Variants in MASP1 observed in about 807,000 individuals in gnomAD.
MASP1 encodes MBL associated serine protease 1, also known as mannan-binding lectin serine protease 1.
Under a neutral mutation model 77.1 loss-of-function variants are expected in MASP1, and 59 were observed. That is an observed-to-expected ratio of 0.77 (90% CI 0.62 to 0.95). The LOEUF is 0.95. Ranked by LOEUF, MASP1 falls within the 40% of genes least tolerant of loss-of-function variation. MASP1 has a pLI of 0.00. For missense variants in MASP1, 885 were observed against 912.9 expected (o/e 0.97, Z 0.39); for synonymous variants, 362 against 354.5 (o/e 1.02, Z -0.24).
In MASP1 at chr3:187,234,293, C is replaced by T; in HGVS notation, c.*1391G>A. On this transcript the variant is annotated 3_prime_UTR_variant, in exon 11 of 11. Transcript: ENST00000296280. The stretch of plus-strand genomic sequence containing the variant: ...CATTCCCTCTCAGGGGCTTCTCTGG[C>T]TGCCTTGCTCTGATGGAGATTTTCA... The T allele has an allele frequency of 7.8e-7, 1 of 1,287,232 alleles. No homozygotes were observed. Among genetic ancestry groups the T allele is most frequent in the Non-Finnish European group, 1.0e-6 (1 of 988,684 alleles). 79.7% of individuals were successfully genotyped at this position (1,287,232 alleles called of 1,614,324 possible).
intron 2 of MASP1, among the ~76,000 whole-genome samples, chr3:187,280,382 C>G (rs1717314068): frequency 6.6e-6 from 1 of 152,174 alleles, no homozygotes; most frequent in Middle Eastern, 3.2e-3. Flanking sequence ...GAGTGCAATC[C>G]AAATGCAGAT....
intron 2 of MASP1, among the ~76,000 whole-genome samples, chr3:187,263,651 C>T (rs1715790543): frequency 6.6e-6 from 1 of 152,164 alleles, no homozygotes; most frequent in Non-Finnish European, 1.5e-5. Flanking sequence ...TTGGAATCAC[C>T]CAAAAATAGT....
At position 187,246,481 on chromosome 3, in the gene MASP1, C is replaced by G. The variant is rs571962990; in HGVS notation, c.1091-2860G>C. 43 of 985,428 alleles carry G rather than the reference C, an allele frequency of 4.4e-5. No homozygotes were observed. The South Asian group carries it at 4.7e-4, about 11-fold the overall frequency. The allele number at this position is 985,428 out of a possible 1,614,324, so 61.0% of individuals were successfully genotyped here. A position where few individuals can be genotyped will look rare whatever the true frequency, so the allele number is the denominator to read the frequency against. ...TCCAGACTGCCCAGGGTTCTCCCCT[C>G]ACCGCACAGCCATTTAATCACCAAA... On this transcript the variant is annotated intron_variant, in intron 8 of 10. Coordinates refer to ENST00000296280, the MANE Select transcript of MASP1 (RefSeq NM_139125.4).
intron 10 of MASP1, among the ~76,000 whole-genome samples, chr3:187,238,501 C>T (rs1713359510): frequency 6.6e-6 from 1 of 152,208 alleles, no homozygotes; most frequent in Non-Finnish European, 1.5e-5. Context: ...ATTCCCCACC[C>T]AGTCTTTCCT....
chr3:187,277,621 G>A (rs1378254711), intron 2 of MASP1, among the ~76,000 whole-genome samples: 1 of 152,156 alleles, frequency 6.6e-6, no homozygotes. Context: ...CTGTTCTGAG[G>A]AAGGCTGCAT....
At chr3:187,282,050 T>A (rs970037856) in intron 2 of MASP1, among the ~76,000 whole-genome samples, 1 of 152,176 alleles carries the variant, frequency 6.6e-6, no homozygotes, top group Admixed American at 6.5e-5. Flanking sequence ...TGACCTCCTC[T>A]TCTGTCCAAT....
intron 2 of MASP1, among the ~76,000 whole-genome samples, chr3:187,279,298 G>A (rs560872293): frequency 6.6e-6 from 1 of 152,338 alleles, no homozygotes; most frequent in African/African-American, 2.4e-5. Context: ...GAGCTATAGA[G>A]AATGGTGGGG....
chr3:187,279,157 A>C (rs1251039389), intron 2 of MASP1, among the ~76,000 whole-genome samples: 1 of 152,230 alleles, frequency 6.6e-6, no homozygotes, highest in Non-Finnish European at 1.5e-5. Flanking sequence ...ATTTTTCCTG[A>C]AATACGTGTC....
At chr3:187,220,496 CTTTTTT>C (rs376566294) in intron 15 of MASP1, among the ~76,000 whole-genome samples, 3 of 127,766 alleles carry the variant, frequency 2.3e-5, no homozygotes, top group Non-Finnish European at 3.2e-5. Flanking sequence ...TTTTTTCTTT[CTTTTTT>C]TTTTTTTTTT....
chr3:187,262,824 G>A, intron 2 of MASP1, 104 bp from the exon 3 acceptor site: 1 of 989,406 alleles, frequency 1.0e-6, no homozygotes, highest in Non-Finnish European at 1.6e-6. Flanking sequence ...GAGTAGGCTA[G>A]TCAGCCTGAG....
chr3:187,223,670 G>A (rs1269320281), intron 13 of MASP1, among the ~76,000 whole-genome samples: 1 of 152,182 alleles, frequency 6.6e-6, no homozygotes, highest in Non-Finnish European at 1.5e-5. Context: ...GAGGAGGCTG[G>A]ACTTGGTATT....
At chr3:187,253,351 G>A in intron 5 of MASP1, 36 bp from the exon 6 acceptor site, 11 of 1,611,930 alleles carry the variant, frequency 6.8e-6, no homozygotes, top group Non-Finnish European at 9.3e-6. Flanking sequence ...GAAATAGAGT[G>A]TTCCATCTGA....
In MASP1 at chr3:187,226,474, G is replaced by C. The variant is rs756583666; in HGVS notation, c.1488C>G (p.Leu496=). 7 of 1,612,862 alleles carry C rather than the reference G, an allele frequency of 4.3e-6. No individual in the cohort carries two copies. The East Asian group carries it at 1.6e-4, about 36-fold the overall frequency. Residue 496 remains leucine, a synonymous_variant, in exon 12 of 16, where the codon CTC becomes CTG. Coordinates refer to the MASP1 transcript ENST00000337774. Reference sequence around the variant, plus strand: ...CACGTAGGGTCGGATCTTCCGGATCGAGTGACTGGTGGAGGCAGTGTGCGG... The same window carrying C: ...CACGTAGGGTCGGATCTTCCGGATCCAGTGACTGGTGGAGGCAGTGTGCGG...
In MASP1 at chr3:187,227,330, C is replaced by A. The variant is rs552838752; in HGVS notation, c.1442-810G>T. The stretch of plus-strand genomic sequence containing the variant: ...TCAGGGCCAGGGCCAGACCCCAGGG[C>A]TCCTGATAGTCAGCTTAATGCATTT... On this transcript the variant is annotated intron_variant, in intron 11 of 15. Transcript: ENST00000337774. 2.6e-5 allele frequency among the ~76,000 whole-genome samples: 4 copies of A among 152,262 alleles called. No homozygotes were observed. In the South Asian group the frequency reaches 6.2e-4, roughly 24 times the overall value.
intron 2 of MASP1, among the ~76,000 whole-genome samples, chr3:187,285,606 TGA>T (rs1717782325): frequency 6.6e-6 from 1 of 152,122 alleles, no homozygotes; most frequent in African/African-American, 2.4e-5. Flanking sequence ...TGTGTTGGGC[TGA>T]GTCATACTCT....
intron 2 of MASP1, 123 bp downstream of exon 2, chr3:187,285,702 A>G: frequency 1.2e-6 from 1 of 800,386 alleles, no homozygotes. Flanking sequence ...ACCTGAATTC[A>G]TACCATTGTG....
intron 2 of MASP1, among the ~76,000 whole-genome samples, chr3:187,271,055 A>C (rs1182458464): frequency 2.0e-5 from 3 of 152,256 alleles, no homozygotes; most frequent in Admixed American, 6.5e-5. Flanking sequence ...CAAGTAAGAA[A>C]GTGATTTGGG....
chr3:187,261,504 G>A (rs1420771725), intron 3 of MASP1, among the ~76,000 whole-genome samples: 1 of 152,188 alleles, frequency 6.6e-6, no homozygotes, highest in Non-Finnish European at 1.5e-5. Context: ...AGGGAATGCA[G>A]TTTAAACCAC....
chr3:187,248,455 G>T (rs73886124), intron 8 of MASP1, among the ~76,000 whole-genome samples: 6,064 of 152,214 alleles, frequency 0.04, 424 homozygotes, highest in African/African-American at 0.13. Flanking sequence ...ACTGATTACA[G>T]CTGAGAGGGA....
Sources: allele counts gnomAD v4.1 joint callset (sites outside exome capture counted in the v4.1 genomes callset), GRCh38; gene constraint gnomAD v4.1.1; transcripts MANE v1.5; gene names NCBI Gene and HGNC (gene_info 2026-07-23, HGNC 2026-07-21).